RAD51B: variants seen among roughly 807,000 people sequenced by gnomAD.
RAD51B encodes the protein RAD51 paralog B.
A neutral mutation model predicts 42.2 loss-of-function variants in RAD51B; 38 were observed. The ratio of observed to expected loss-of-function variants is 0.90; its 90% CI spans 0.70 to 1.18. The LOEUF is 1.18. RAD51B is among the 50% of genes most tolerant of loss of function. The probability of loss-of-function intolerance (pLI) is 0.00; values close to 1 mark genes in which losing one functional copy is unlikely to be tolerated. For missense variants in RAD51B, 373 were observed against 400.7 expected (o/e 0.93, Z 0.59); for synonymous variants, 154 against 145.2 (o/e 1.06, Z -0.43).
chr14:68,202,570 C>T (rs940997174), intron 7 of RAD51B, among the ~76,000 whole-genome samples: 3 of 129,242 alleles, frequency 2.3e-5, no homozygotes, highest in African/African-American at 5.8e-5. Flanking sequence ...TATGAAGCAA[C>T]GTCTTTTTTT....
chr14:67,972,101 GT>G (rs1252801233), intron 7 of RAD51B, among the ~76,000 whole-genome samples: 1 of 150,784 alleles, frequency 6.6e-6, no homozygotes, highest in African/African-American at 2.4e-5. Context: ...TCAGCATCTG[GT>G]TTATTCATGA....
chr14:68,592,253 A>ATGTGTGTGTGTGTG (rs55833641), intron 10 of RAD51B, among the ~76,000 whole-genome samples: 3 of 139,952 alleles, frequency 2.1e-5, no homozygotes, highest in Non-Finnish European at 4.6e-5. Context: ...GTAGGCAATG[A>ATGTGTGTGTGTGTG]TGTGTGTGTG....
intron 10 of RAD51B, chr14:68,470,819 C>G (rs1186216933): frequency 2.7e-5 from 11 of 400,932 alleles, no homozygotes; most frequent in Non-Finnish European, 5.1e-5. Context: ...CCTGCGGGAT[C>G]TCTAACAGCC....
intron 4 of RAD51B, among the ~76,000 whole-genome samples, chr14:67,860,813 A>G (rs538258646): frequency 1.3e-5 from 2 of 152,332 alleles, no homozygotes; most frequent in East Asian, 1.9e-4. Context: ...CATCATCCTT[A>G]GGTAATCTAT....
chr14:68,095,791 A>G (rs946979145), intron 7 of RAD51B, among the ~76,000 whole-genome samples: 5 of 151,930 alleles, frequency 3.3e-5, no homozygotes, highest in African/African-American at 1.2e-4. Context: ...CTGGCTAACA[A>G]GGTGAAACAC....
intron 7 of RAD51B, among the ~76,000 whole-genome samples, chr14:68,111,453 G>A (rs2077458219): frequency 6.6e-6 from 1 of 152,034 alleles, no homozygotes; most frequent in Non-Finnish European, 1.5e-5. Context: ...AAGCTCTCAT[G>A]TGGTTGTGCT....
At chr14:68,552,953 G>C (rs1481055549) in intron 10 of RAD51B, among the ~76,000 whole-genome samples, 1 of 152,200 alleles carries the variant, frequency 6.6e-6, no homozygotes, top group Non-Finnish European at 1.5e-5. Context: ...AAAATACTAT[G>C]TGCTTATAGT....
intron 7 of RAD51B, among the ~76,000 whole-genome samples, chr14:68,217,670 G>C (rs1482089117): frequency 6.6e-6 from 1 of 152,106 alleles, no homozygotes; most frequent in Non-Finnish European, 1.5e-5. Context: ...TTTCTTGATG[G>C]GACTTGTGTG....
chr14:68,421,633 G>A, intron 9 of RAD51B: 1 of 1,293,786 alleles, frequency 7.7e-7, no homozygotes, highest in Non-Finnish European at 1.1e-6. Flanking sequence ...CAAACGGGGT[G>A]GAGGGGTGCT....
chr14:68,645,257 T>C (rs1220292442), intron 10 of RAD51B, among the ~76,000 whole-genome samples: 1 of 152,238 alleles, frequency 6.6e-6, no homozygotes, highest in Non-Finnish European at 1.5e-5. Flanking sequence ...CATTTGTCTT[T>C]TAGTGATTGG....
At chr14:68,228,807 C>G (rs1425094790) in intron 7 of RAD51B, among the ~76,000 whole-genome samples, 3 of 152,184 alleles carry the variant, frequency 2.0e-5, no homozygotes, top group Non-Finnish European at 4.4e-5. Context: ...TTGACTGGCC[C>G]TCACATGCAA....
intron 4 of RAD51B, among the ~76,000 whole-genome samples, chr14:67,848,018 CTT>C (rs2041678602): frequency 6.6e-6 from 1 of 152,076 alleles, no homozygotes; most frequent in Admixed American, 6.6e-5. Flanking sequence ...GGATTGTACA[CTT>C]TTTTGTTGTT....
chr14:68,002,847 G>GTC (rs1236066984), intron 7 of RAD51B, among the ~76,000 whole-genome samples: 3 of 152,126 alleles, frequency 2.0e-5, no homozygotes, highest in Admixed American at 6.5e-5. Flanking sequence ...TAGGTGTGTG[G>GTC]TCTTATTCCT....
intron 10 of RAD51B, among the ~76,000 whole-genome samples, chr14:68,627,807 C>A (rs1425464961): frequency 6.6e-6 from 1 of 152,222 alleles, no homozygotes; most frequent in African/African-American, 2.4e-5. Flanking sequence ...CTAATTTCCT[C>A]TTCTTTCTTT....
At position 68,013,451 on chromosome 14, in the gene RAD51B, C is replaced by A. The variant is rs1399047463; in HGVS notation, c.756+126247C>A. 2.6e-5 allele frequency among the ~76,000 whole-genome samples: 4 copies of A among 152,198 alleles called. No homozygotes were observed. In the East Asian group the frequency reaches 7.7e-4, roughly 29 times the overall value. ...CAAGATTCTGGAAGAGCATGCTGGACCAGAAATACGGCTGAAGCCATTTTT... is the reference window on the plus strand; with the variant it reads ...CAAGATTCTGGAAGAGCATGCTGGAACAGAAATACGGCTGAAGCCATTTTT... On this transcript the variant is annotated intron_variant, in intron 7 of 10. Transcript: ENST00000471583.
exon 11 of RAD51B, chr14:68,611,433 C>CT: frequency 1.7e-6 from 1 of 594,472 alleles, no homozygotes; most frequent in East Asian, 2.8e-5. Context: ...TCCTACAACC[C>CT]TTGATCCCCA....
chr14:68,639,808 G>A (rs1399618811), intron 10 of RAD51B, among the ~76,000 whole-genome samples: 1 of 151,190 alleles, frequency 6.6e-6, no homozygotes, highest in Non-Finnish European at 1.5e-5. Context: ...TTGTTTTTTT[G>A]AGTCAGAGTC....
At chr14:68,148,823 T>C (rs1377916911) in intron 7 of RAD51B, among the ~76,000 whole-genome samples, 1 of 152,224 alleles carries the variant, frequency 6.6e-6, no homozygotes, top group Non-Finnish European at 1.5e-5. Flanking sequence ...TGTCCAACTG[T>C]AGGCTAATGG....
intron 7 of RAD51B, among the ~76,000 whole-genome samples, chr14:68,165,025 A>T (rs2078720431): frequency 6.6e-6 from 1 of 152,248 alleles, no homozygotes; most frequent in Admixed American, 6.5e-5. Context: ...AATCAGACAA[A>T]GTAAACAAAT....
Sources: gnomAD v4.1 joint callset for allele counts (sites outside exome capture counted in the v4.1 genomes callset) on GRCh38, gnomAD v4.1.1 for gene constraint, MANE v1.5 for transcripts, NCBI Gene and HGNC (gene_info 2026-07-23, HGNC 2026-07-21) for gene names.